Variants in PTPRD observed in about 807,000 individuals in gnomAD.
PTPRD encodes the protein receptor-type tyrosine-protein phosphatase delta.
In PTPRD, 34 loss-of-function variants were observed where a neutral mutation model predicts 214.5. The ratio of observed to expected loss-of-function variants is 0.16; its 90% CI spans 0.12 to 0.21. The LOEUF is 0.21. Ranked by LOEUF, PTPRD falls within the 10% of genes least tolerant of loss-of-function variation. The pLI is 1.00. For missense variants in PTPRD, 2,545 were observed against 2,398.7 expected (o/e 1.06, Z -1.27); for synonymous variants, 1,128 against 845.7 (o/e 1.33, Z -5.79).
intron 11 of PTPRD, among the ~76,000 whole-genome samples, chr9:8,765,163 T>C (rs1022016331): frequency 5.9e-5 from 9 of 152,160 alleles, no homozygotes; most frequent in African/African-American, 1.7e-4. Context: ...AACATATGTG[T>C]AGTAGTTTAA....
At chr9:9,948,243 T>C (rs933018586) in intron 4 of PTPRD, among the ~76,000 whole-genome samples, 1 of 152,098 alleles carries the variant, frequency 6.6e-6, no homozygotes, top group African/African-American at 2.4e-5. Context: ...ACTATACTTA[T>C]GAACTGCACT....
intron 11 of PTPRD, among the ~76,000 whole-genome samples, chr9:8,993,732 G>C (rs2099386335): frequency 6.6e-6 from 1 of 152,070 alleles, no homozygotes; most frequent in Non-Finnish European, 1.5e-5. Flanking sequence ...ATTCATGCAA[G>C]TCCTGATGAA....
At chr9:9,941,393 G>A (rs553440305) in intron 4 of PTPRD, among the ~76,000 whole-genome samples, 2 of 152,178 alleles carry the variant, frequency 1.3e-5, no homozygotes, top group African/African-American at 2.4e-5. Context: ...CATGATCTCA[G>A]CTCGCTGCAA....
At chr9:9,500,144 G>A (rs1020947614) in intron 8 of PTPRD, among the ~76,000 whole-genome samples, 50 of 151,928 alleles carry the variant, frequency 3.3e-4, no homozygotes, top group African/African-American at 1.1e-3. Flanking sequence ...TTTTTGAAAA[G>A]CTACTTTTCA....
chr9:9,151,388 T>G (rs1424897384), intron 10 of PTPRD, among the ~76,000 whole-genome samples: 1 of 151,774 alleles, frequency 6.6e-6, no homozygotes, highest in Non-Finnish European at 1.5e-5. Context: ...GACACAGAGG[T>G]GTTGAGATCC....
Position 8,872,702 on chromosome 9 carries a change from A to G in PTPRD, c.-103-138756T>C, listed in dbSNP as rs138180478. On this transcript the variant is annotated intron_variant, in intron 11 of 45. Transcript: ENST00000381196. ...ATCACTTTTTAAAAATAAATCTATC[A>G]TTCTTTCTTTCTTATCTTTAATCAT... Among the ~76,000 whole-genome samples the G allele has an allele frequency of 8.8e-3, 1,337 of 152,322 alleles. 18 individuals are homozygous for G. The highest frequency in any genetic ancestry group is 0.029 in the African/African-American group (1,219 of 41,562).
chr9:9,472,235 C>T (rs1326245240), intron 8 of PTPRD, among the ~76,000 whole-genome samples: 9 of 126,856 alleles, frequency 7.1e-5, no homozygotes, highest in African/African-American at 2.7e-4. Flanking sequence ...CTTGCTCTGT[C>T]GCCCAGGCCG....
intron 3 of PTPRD, among the ~76,000 whole-genome samples, chr9:10,214,086 C>T (rs1470002423): frequency 1.3e-5 from 2 of 152,128 alleles, no homozygotes; most frequent in African/African-American, 4.8e-5. Flanking sequence ...ACATTTTACA[C>T]GTGAATTCTT....
chr9:10,263,083 C>T (rs183285132), intron 3 of PTPRD, among the ~76,000 whole-genome samples: 48 of 152,234 alleles, frequency 3.2e-4, no homozygotes, highest in African/African-American at 1.1e-3. Flanking sequence ...ATTGTGAGGC[C>T]TCCCCAGCCA....
intron 3 of PTPRD, among the ~76,000 whole-genome samples, chr9:10,331,534 T>G (rs2154434623): frequency 1.3e-5 from 2 of 151,936 alleles, no homozygotes; most frequent in South Asian, 4.1e-4. Flanking sequence ...AAGAGATGGT[T>G]CATAAAGAAT....
rs1385342820 is a variant in PTPRD at position 9,889,795 on chromosome 9, G to GTGTGTGTGTGTGTGTGTA, written c.-368+48694_-368+48711dup. Among the ~76,000 whole-genome samples, 10 of 151,012 alleles carry GTGTGTGTGTGTGTGTGTA rather than the reference G, an allele frequency of 6.6e-5. No homozygotes were observed. In the South Asian group the frequency reaches 1.9e-3, roughly 28 times the overall value. On this transcript the variant is annotated intron_variant, in intron 5 of 45. Coordinates refer to ENST00000381196, the MANE Select transcript of PTPRD (RefSeq NM_002839.4). Reference sequence around the variant, plus strand: ...CTCAGCAAGTTCCTGCTGAGTGTGTGTGTGTGTGTGTGTGTGTATGTGTGT... The same window carrying GTGTGTGTGTGTGTGTGTA: ...CTCAGCAAGTTCCTGCTGAGTGTGTGTGTGTGTGTGTGTGTGTATGTGTGTGTGTGTGTGTATGTGTGT...
At chr9:9,147,245 C>T (rs2154485379) in intron 10 of PTPRD, among the ~76,000 whole-genome samples, 1 of 148,712 alleles carries the variant, frequency 6.7e-6, no homozygotes, top group Admixed American at 6.9e-5. Context: ...CATTAATTGG[C>T]AAAACTATTC....
chr9:8,946,490 A>G (rs1424060450), intron 11 of PTPRD, among the ~76,000 whole-genome samples: 3 of 152,158 alleles, frequency 2.0e-5, no homozygotes, highest in Non-Finnish European at 4.4e-5. Context: ...GGATTAAGTG[A>G]TATATGAAAA....
intron 2 of PTPRD, among the ~76,000 whole-genome samples, chr9:10,477,723 A>G (rs2099072284): frequency 6.6e-6 from 1 of 152,176 alleles, no homozygotes; most frequent in African/African-American, 2.4e-5. Flanking sequence ...AAGACTTGGA[A>G]CCAACCCAAA....
At chr9:8,752,076 G>A (rs1177556943) in intron 11 of PTPRD, among the ~76,000 whole-genome samples, 1 of 152,156 alleles carries the variant, frequency 6.6e-6, no homozygotes, top group Admixed American at 6.5e-5. Flanking sequence ...CCCTGCCACC[G>A]CTGTCAGAGA....
intron 11 of PTPRD, among the ~76,000 whole-genome samples, chr9:8,882,265 A>G (rs34168109): frequency 0.22 from 33,652 of 152,078 alleles, 4,371 homozygotes; most frequent in Non-Finnish European, 0.3. Context: ...TATTGATCTT[A>G]TAGTATCTCA....
intron 5 of PTPRD, among the ~76,000 whole-genome samples, chr9:9,785,790 G>T (rs1236845665): frequency 6.6e-6 from 1 of 152,160 alleles, no homozygotes. Context: ...ATTTTACAAT[G>T]GCTATGTCAG....
intron 8 of PTPRD, among the ~76,000 whole-genome samples, chr9:9,477,183 A>C (rs540789334): frequency 1.2e-4 from 19 of 152,336 alleles, no homozygotes; most frequent in Non-Finnish European, 2.2e-4. Flanking sequence ...CTGACTCCAC[A>C]ATATTTTTAT....
intron 11 of PTPRD, among the ~76,000 whole-genome samples, chr9:8,885,517 A>G (rs923379940): frequency 1.8e-5 from 2 of 113,516 alleles, no homozygotes; most frequent in African/African-American, 6.7e-5. Flanking sequence ...TTTTTCTGAG[A>G]CCAAGTCTCG....
Sources: allele counts gnomAD v4.1 joint callset (sites outside exome capture counted in the v4.1 genomes callset), GRCh38; gene constraint gnomAD v4.1.1; transcripts MANE v1.5; gene names NCBI Gene and HGNC (gene_info 2026-07-23, HGNC 2026-07-21).